LRIG2: variants seen among roughly 807,000 people sequenced by gnomAD.
LRIG2 encodes the protein leucine rich repeats and immunoglobulin like domains 2.
Under a neutral mutation model 107.8 loss-of-function variants are expected in LRIG2, and 93 were observed. The ratio of observed to expected loss-of-function variants is 0.86; its 90% CI spans 0.73 to 1.03. The LOEUF is 1.03. Among genes scored for constraint, LRIG2 ranks in the 50% least tolerant of loss-of-function variants. The pLI is 0.00. For synonymous variants in LRIG2, 471 were observed against 470.6 expected, an observed-to-expected ratio of 1.00 and a Z score of -0.01; for missense variants, 1,226 against 1,296.0, an observed-to-expected ratio of 0.95 and a Z score of 0.83.
chr1:113,082,281 T>C (rs1174780244), intron 1 of LRIG2, among the ~76,000 whole-genome samples: 3 of 152,190 alleles, frequency 2.0e-5, no homozygotes, highest in African/African-American at 2.4e-5. Flanking sequence ...TTATAAGATA[T>C]CTGAACAAGA....
At chr1:113,101,150 A>G (rs1462683412) in intron 11 of LRIG2, among the ~76,000 whole-genome samples, 2 of 152,084 alleles carry the variant, frequency 1.3e-5, no homozygotes, top group East Asian at 3.9e-4. Context: ...GGCCCACTGC[A>G]ACCTCTGCCT....
intron 1 of LRIG2, among the ~76,000 whole-genome samples, chr1:113,086,581 T>C (rs1653564891): frequency 1.3e-5 from 2 of 152,310 alleles, no homozygotes; most frequent in Middle Eastern, 3.4e-3. Context: ...AACCCCTCCA[T>C]TTCTGTTGCT....
intron 1 of LRIG2, among the ~76,000 whole-genome samples, chr1:113,087,741 C>CTGTGCACTCCTG (rs1553226932): frequency 6.6e-6 from 1 of 152,182 alleles, no homozygotes; most frequent in Non-Finnish European, 1.5e-5. Flanking sequence ...ACGAGTATGC[C>CTGTGCACTCCTG]TGTGCACTCC....
intron 1 of LRIG2, among the ~76,000 whole-genome samples, chr1:113,086,493 G>A (rs1414611570): frequency 6.6e-6 from 1 of 152,212 alleles, no homozygotes; most frequent in East Asian, 1.9e-4. Context: ...TGAAGTTCCC[G>A]GTTCAGCCTA....
intron 1 of LRIG2, among the ~76,000 whole-genome samples, chr1:113,078,362 C>T (rs2101013424): frequency 6.6e-6 from 1 of 152,058 alleles, no homozygotes; most frequent in Non-Finnish European, 1.5e-5. Flanking sequence ...CCTTAGTCTC[C>T]CAAGTAGCTG....
Position 113,112,490 on chromosome 1 carries a change from T to A in LRIG2, c.1810T>A (p.Phe604Ile), listed in dbSNP as rs752524453. ...AKLTVNEMPSFLKTPMDLTIR... is the reference protein window; with the variant it reads ...AKLTVNEMPSILKTPMDLTIR... ...TTTTCTGGAAACAGAGATGCCATCT[T>A]TTCTGAAAACGCCAATGGATCTGAC... is the stretch of plus-strand genomic sequence containing the variant. The change falls in exon 14 of 18, where the codon TTT (phenylalanine) becomes ATT (isoleucine). Residue 604 changes from phenylalanine to isoleucine, a missense_variant. By Grantham distance (21) the Phe-to-Ile change is conservative. Transcript: ENST00000361127. The A allele has an allele frequency of 1.3e-6, 2 of 1,596,848 alleles. No individual in the cohort carries two copies. The highest frequency in any genetic ancestry group is 1.7e-6 in the Non-Finnish European group (2 of 1,167,398).
chr1:113,083,895 C>G (rs1557898094), intron 1 of LRIG2, among the ~76,000 whole-genome samples: 1 of 148,998 alleles, frequency 6.7e-6, no homozygotes, highest in Non-Finnish European at 1.5e-5. Context: ...GGAGATATAC[C>G]TAATGTAAAT....
At chr1:113,108,281 T>C (rs2485964) in intron 12 of LRIG2, among the ~76,000 whole-genome samples, 57,704 of 149,534 alleles carry the variant, frequency 0.39, 11,453 homozygotes, top group East Asian at 0.64. Context: ...TGGAGTGCAG[T>C]GGTGCGATCT....
rs368559211 is a variant in LRIG2, at chr1:113,114,484, C to T, written c.2138C>T (p.Ala713Val). The change falls in exon 15 of 18, where the codon GCG becomes GTG. Residue 713 changes from alanine to valine, a missense_variant. This residue lies in a region of LRIG2 where 642 missense variants were observed against 712.2 expected (regional missense o/e 0.90). Transcript: ENST00000361127. Reference sequence around the variant, plus strand: ...AAGACAGTAACACGAGGTGAAACTGCGGTGTTACAGTGCATAGCTGGAGGG... The same window carrying T: ...AAGACAGTAACACGAGGTGAAACTGTGGTGTTACAGTGCATAGCTGGAGGG... ...EDKTVTRGET[A>V]VLQCIAGGSP... is the part of the protein sequence containing the mutation. 22 of 1,613,450 alleles carry T rather than the reference C, an allele frequency of 1.4e-5. 1 individual carries two copies. Among genetic ancestry groups the T allele is most frequent in the African/African-American group, 4.0e-5 (3 of 74,816 alleles).
chr1:113,084,764 A>G (rs536931795), intron 1 of LRIG2, among the ~76,000 whole-genome samples: 2 of 152,368 alleles, frequency 1.3e-5, no homozygotes, highest in South Asian at 4.1e-4. Context: ...AGGTCTTTCA[A>G]TCCTGATGGA....
In LRIG2 at chr1:113,073,638, G is replaced by C; in HGVS notation, c.232G>C (p.Ala78Pro). The change falls in exon 1 of 18, where the codon GCT becomes CCT. Residue 78 changes from alanine to proline, a missense_variant. Physicochemically the swap from Ala to Pro is conservative, Grantham distance 27. Coordinates refer to ENST00000361127, the MANE Select transcript of LRIG2 (RefSeq NM_014813.3). The stretch of plus-strand genomic sequence containing the variant: ...GTCGGGCTTGCTGCCCCCCGACACC[G>C]CTATCCTGTGAGTAGAGCGGCCAGG... ...ALSGLLPPDT[A>P]ILDFSHNRLS... is the part of the protein sequence containing the mutation. 6.2e-7 allele frequency: 1 copy of C among 1,612,078 alleles called. No individual in the cohort carries two copies. Among genetic ancestry groups the C allele is most frequent in the East Asian group, 2.2e-5 (1 of 44,862 alleles).
rs1216843939 is a variant in LRIG2, at chr1:113,123,972, T to C, written c.3069T>C (p.His1023=). The part of the protein sequence containing the change: ...QQPVHESPQL[H]QNEGLAGREP... ...CAGTCCATGAGTCACCACAACTTCA[T>C]CAAAATGAGGGCCTGGCAGGGAGAG... The change falls in exon 18 of 18, where the codon CAT becomes CAC. Residue 1023 remains histidine (H), a synonymous_variant. Transcript: ENST00000361127. The C allele has an allele frequency of 6.2e-7, 1 of 1,614,126 alleles. No individual in the cohort carries two copies. The highest frequency in any genetic ancestry group is 1.7e-5 in the Admixed American group (1 of 60,014).
intron 12 of LRIG2, among the ~76,000 whole-genome samples, chr1:113,108,062 T>C (rs955934307): frequency 2.4e-4 from 36 of 152,176 alleles, no homozygotes; most frequent in African/African-American, 8.2e-4. Flanking sequence ...AGCACTAGTT[T>C]AAAGTTGTCA....
intron 11 of LRIG2, among the ~76,000 whole-genome samples, chr1:113,106,278 A>G (rs1168180085): frequency 2.0e-5 from 3 of 152,152 alleles, no homozygotes; most frequent in African/African-American, 7.2e-5. Context: ...CAGATCTTAG[A>G]TACTTTATGC....
At chr1:113,123,660 C>G (rs183155677) in intron 17 of LRIG2, among the ~76,000 whole-genome samples, 2 of 149,962 alleles carry the variant, frequency 1.3e-5, no homozygotes, top group Non-Finnish European at 2.9e-5. Context: ...ATAGTATGAT[C>G]TCAGTAAATA....
intron 2 of LRIG2, among the ~76,000 whole-genome samples, chr1:113,092,162 G>A (rs1001759581): frequency 3.3e-5 from 5 of 152,190 alleles, no homozygotes; most frequent in Admixed American, 2.0e-4. Flanking sequence ...GGAAAGGCCT[G>A]AAAATGCTTC....
intron 4 of LRIG2, among the ~76,000 whole-genome samples, chr1:113,094,023 G>T (rs1407800732): frequency 6.6e-6 from 1 of 151,120 alleles, no homozygotes; most frequent in African/African-American, 2.4e-5. Flanking sequence ...GTTTTTTTTT[G>T]AACCAAGCTT....
intron 1 of LRIG2, among the ~76,000 whole-genome samples, chr1:113,075,000 C>G (rs1652901369): frequency 6.6e-6 from 1 of 151,580 alleles, no homozygotes; most frequent in Admixed American, 6.6e-5. Flanking sequence ...GGCTGATCAC[C>G]TAAGGTTGGG....
At chr1:113,084,246 T>C (rs892842743) in intron 1 of LRIG2, among the ~76,000 whole-genome samples, 5 of 149,740 alleles carry the variant, frequency 3.3e-5, no homozygotes, top group African/African-American at 1.2e-4. Flanking sequence ...GACAGAGTCT[T>C]GTTCTGTCAC....
Sources: gnomAD v4.1 joint callset for allele counts (sites outside exome capture counted in the v4.1 genomes callset) on GRCh38, gnomAD v4.1.1 for gene constraint, gnomAD v4.1.1 regional missense constraint, MANE v1.5 for transcripts, NCBI Gene and HGNC (gene_info 2026-07-23, HGNC 2026-07-21) for gene names.